The following PDIA3 variants were observed in gnomAD, a reference collection of about 807,000 sequenced individuals.
PDIA3 encodes the protein protein disulfide-isomerase A3.
Under a neutral mutation model 56.9 loss-of-function variants are expected in PDIA3, and 16 were observed. The ratio of observed to expected loss-of-function variants is 0.28; its 90% CI spans 0.19 to 0.43. The LOEUF is 0.43. Ranked by LOEUF, PDIA3 falls within the 20% of genes least tolerant of loss-of-function variation. The pLI is 1.00. For missense variants in PDIA3, 485 were observed against 621.3 expected (o/e 0.78, Z 2.33); for synonymous variants, 192 against 216.5 (o/e 0.89, Z 0.99).
intron 1 of PDIA3, among the ~76,000 whole-genome samples, chr15:43,749,185 C>T (rs770777351): frequency 1.3e-5 from 2 of 151,238 alleles, no homozygotes; most frequent in African/African-American, 4.9e-5. Context: ...CCTCCGCCTC[C>T]CGTGTTCAAG....
intron 5 of PDIA3, 78 bp from the exon 6 acceptor site, chr15:43,765,372 C>A: frequency 2.4e-6 from 2 of 831,834 alleles, no homozygotes; most frequent in Non-Finnish European, 4.1e-6. Flanking sequence ...CAGAGCGAAA[C>A]CCTATCTCAA....
Position 43,766,717 on chromosome 15 carries a change from G to A in PDIA3, c.846-11G>A. 1.9e-6 allele frequency: 3 copies of A among 1,613,214 alleles called. No individual in the cohort carries two copies. The highest frequency in any genetic ancestry group is 2.5e-6 in the Non-Finnish European group (3 of 1,179,370). On this transcript the variant is annotated splice_polypyrimidine_tract_variant and intron_variant, in intron 7 of 12. Coordinates refer to ENST00000300289, the MANE Select transcript of PDIA3 (RefSeq NM_005313.5). ...TATAGTCTTGGCACAAATGTCTCTT[G>A]TTTCCCACAGGGTAATGATGGTGGC...
intron 3 of PDIA3, among the ~76,000 whole-genome samples, chr15:43,759,834 C>T (rs896930742): frequency 6.6e-5 from 10 of 152,044 alleles, no homozygotes; most frequent in African/African-American, 2.4e-4. Flanking sequence ...GCCTGTAATC[C>T]CAGCACTTTG....
rs372079495 is a variant in PDIA3 at position 43,770,367 on chromosome 15, T to C, written c.1346+38T>C. 7.9e-6 allele frequency: 12 copies of C among 1,528,088 alleles called. No homozygotes were observed. In the African/African-American group the frequency reaches 1.6e-4, roughly 21 times the overall value. 94.7% of individuals were successfully genotyped at this position (1,528,088 alleles called of 1,614,324 possible). A position where few individuals can be genotyped will look rare whatever the true frequency, so the allele number is the denominator to read the frequency against. ...AAACTTAACAAAAGTGTCTAGGCAA[T>C]AGATAGGAATAAAGCTTGTAACCAC... On this transcript the variant is annotated intron_variant, in intron 11 of 12. Transcript: ENST00000300289.
chr15:43,747,936 C>T (rs948923659), intron 1 of PDIA3, among the ~76,000 whole-genome samples: 1 of 152,170 alleles, frequency 6.6e-6, no homozygotes, highest in South Asian at 2.1e-4. Context: ...CTGGGGCTAA[C>T]TGGCAGTACA....
intron 3 of PDIA3, among the ~76,000 whole-genome samples, chr15:43,758,625 T>G (rs1252801685): frequency 1.4e-5 from 2 of 146,182 alleles, no homozygotes; most frequent in Non-Finnish European, 3.0e-5. Context: ...GCCACTGCAC[T>G]CCAGCCTGGG....
In PDIA3 at chr15:43,761,416, CT is replaced by C; in HGVS notation, c.365-6del. The C allele has an allele frequency of 6.7e-7, 1 of 1,483,728 alleles. No homozygotes were observed. The highest frequency in any genetic ancestry group is 1.2e-5 in the South Asian group (1 of 85,686). The allele number at this position is 1,483,728 out of a possible 1,614,324, so 91.9% of individuals were successfully genotyped here. A position where few individuals can be genotyped will look rare whatever the true frequency, so the allele number is the denominator to read the frequency against. ...TGTGTTGTCATAACTTTTATTTTGA[CT>C]TCTAAGATGGAATTGTCAGCCACTT... On this transcript the variant is annotated splice_polypyrimidine_tract_variant and splice_region_variant and intron_variant, in intron 3 of 12. Coordinates refer to ENST00000300289, the MANE Select transcript of PDIA3 (RefSeq NM_005313.5).
chr15:43,765,931 T>C lies in PDIA3; in HGVS notation c.764T>C (p.Ile255Thr), dbSNP rs142151137. 24 of 1,613,282 alleles carry C rather than the reference T, an allele frequency of 1.5e-5. No homozygotes were observed. The highest frequency in any genetic ancestry group is 2.0e-5 in the Non-Finnish European group (24 of 1,179,636). Residue 255 changes from isoleucine to threonine, a missense_variant, in exon 7 of 13, where the codon ATA becomes ACA. Ile to Thr is a moderately conservative substitution (Grantham distance 89). Coordinates refer to ENST00000300289, the MANE Select transcript of PDIA3 (RefSeq NM_005313.5). ...PHMTEDNKDL[I>T]QGKDLLIAYY... ...ATGACAGAAGACAATAAAGATTTGA[T>C]ACAGGGCAAGGACTTACTTATTGCT...
At chr15:43,763,371 A>G (rs751879712) in intron 5 of PDIA3, among the ~76,000 whole-genome samples, 165 bp downstream of exon 5, 9 of 152,020 alleles carry the variant, frequency 5.9e-5, no homozygotes, top group Non-Finnish European at 1.2e-4. Flanking sequence ...TCGCGCCTCA[A>G]CCTCCTGCAT....
At chr15:43,750,164 C>T (rs2141642925) in intron 1 of PDIA3, among the ~76,000 whole-genome samples, 1 of 142,098 alleles carries the variant, frequency 7.0e-6, no homozygotes, top group Middle Eastern at 3.6e-3. Flanking sequence ...CCTCCCCTGT[C>T]TGGCTAATTT....
At chr15:43,767,267 G>A (rs1421214604) in intron 8 of PDIA3, among the ~76,000 whole-genome samples, 1 of 151,992 alleles carries the variant, frequency 6.6e-6, no homozygotes, top group Non-Finnish European at 1.5e-5. Flanking sequence ...CAGGAGAATC[G>A]CTTGAACCTG....
intron 1 of PDIA3, chr15:43,746,975 G>C (rs1217635742): frequency 1.8e-6 from 1 of 540,762 alleles, no homozygotes; most frequent in Non-Finnish European, 3.3e-6. Flanking sequence ...TATTTGCAGA[G>C]GGTTTTGCCA....
intron 5 of PDIA3, 49 bp downstream of exon 5, chr15:43,763,255 G>A (rs774531148): frequency 1.9e-6 from 3 of 1,585,126 alleles, no homozygotes; most frequent in South Asian, 2.2e-5. Context: ...GTGTGAACTG[G>A]TGATACTGAT....
chr15:43,757,047 G>A (rs972377572), intron 3 of PDIA3, among the ~76,000 whole-genome samples: 5 of 152,076 alleles, frequency 3.3e-5, no homozygotes, highest in Non-Finnish European at 5.9e-5. Flanking sequence ...AATATACTAG[G>A]TCGTTGGCAT....
At chr15:43,747,570 T>A (rs75897948) in intron 1 of PDIA3, among the ~76,000 whole-genome samples, 2 of 151,700 alleles carry the variant, frequency 1.3e-5, no homozygotes, top group African/African-American at 2.4e-5. Flanking sequence ...TTTTTTTTTT[T>A]ATTTGTGTGT....
chr15:43,768,433 A>G, intron 8 of PDIA3, 56 bp from the exon 9 acceptor site: 1 of 1,320,800 alleles, frequency 7.6e-7, no homozygotes, highest in South Asian at 1.2e-5. Flanking sequence ...AATTGCTGTA[A>G]TTTTCTCAGC....
At chr15:43,764,147 A>G (rs1055335858) in intron 5 of PDIA3, among the ~76,000 whole-genome samples, 10 of 152,200 alleles carry the variant, frequency 6.6e-5, no homozygotes, top group Non-Finnish European at 1.0e-4. Flanking sequence ...AGTTATTTAT[A>G]TCCTCCTGCT....
At chr15:43,747,357 T>C (rs2086714115) in intron 1 of PDIA3, among the ~76,000 whole-genome samples, 1 of 152,234 alleles carries the variant, frequency 6.6e-6, no homozygotes, top group South Asian at 2.1e-4. Flanking sequence ...CTGTCCATAT[T>C]GTCTGTTTTA....
intron 11 of PDIA3, 72 bp from the exon 12 acceptor site, chr15:43,770,451 C>T: frequency 7.3e-7 from 1 of 1,362,844 alleles, no homozygotes; most frequent in East Asian, 2.3e-5. Context: ...CCACTGATTC[C>T]TTCTTGGCTT....
Sources: gnomAD v4.1 joint callset for allele counts (sites outside exome capture counted in the v4.1 genomes callset) on GRCh38, gnomAD v4.1.1 for gene constraint, MANE v1.5 for transcripts, NCBI Gene and HGNC (gene_info 2026-07-23, HGNC 2026-07-21) for gene names.